The following PIGK variants were observed in gnomAD, a reference collection of about 807,000 sequenced individuals.
The protein encoded by PIGK is phosphatidylinositol glycan anchor biosynthesis class K, also known as GPI-anchor transamidase.
PIGK carries 42 observed loss-of-function variants against 50.6 expected under a neutral mutation model. That is an observed-to-expected ratio of 0.83 (90% confidence interval 0.65 to 1.07). The LOEUF (loss-of-function observed/expected upper bound fraction) is 1.07. Ranked by LOEUF, PIGK falls within the 50% of genes least tolerant of loss-of-function variation. PIGK has a pLI of 0.00. For synonymous variants in PIGK, 151 were observed against 156.0 expected, an observed-to-expected ratio of 0.97 and a Z score of 0.24; for missense variants, 448 against 488.7, an observed-to-expected ratio of 0.92 and a Z score of 0.78.
chr1:77,135,580 A>G (rs572098697), intron 9 of PIGK, among the ~76,000 whole-genome samples: 137 of 151,828 alleles, frequency 9.0e-4, no homozygotes, highest in African/African-American at 3.2e-3. Flanking sequence ...ATTATTATTC[A>G]CTTATTTAAA....
intron 4 of PIGK, among the ~76,000 whole-genome samples, chr1:77,167,571 C>T (rs78136212): frequency 0.013 from 1,905 of 151,360 alleles, 38 homozygotes; most frequent in African/African-American, 0.044. Context: ...TAGTAAGACC[C>T]CCATCTCTGG....
At chr1:77,111,536 T>A (rs749783091) in intron 10 of PIGK, among the ~76,000 whole-genome samples, 1 of 146,818 alleles carries the variant, frequency 6.8e-6, no homozygotes, top group African/African-American at 2.5e-5. Flanking sequence ...ATGTTCTCAC[T>A]CATAGGTGGG....
At chr1:77,181,392 C>T (rs897928918) in intron 3 of PIGK, among the ~76,000 whole-genome samples, 14 of 152,018 alleles carry the variant, frequency 9.2e-5, no homozygotes, top group African/African-American at 2.7e-4. Context: ...CACAACTTTT[C>T]GTTTGTAATA....
chr1:77,189,528 C>T (rs541584329), intron 3 of PIGK, among the ~76,000 whole-genome samples: 3 of 151,872 alleles, frequency 2.0e-5, no homozygotes, highest in Non-Finnish European at 4.4e-5. Context: ...AAAGACTAGA[C>T]TGGCCTAGGC....
At chr1:77,185,654 G>C (rs995644345) in intron 3 of PIGK, among the ~76,000 whole-genome samples, 1 of 152,124 alleles carries the variant, frequency 6.6e-6, no homozygotes, top group Non-Finnish European at 1.5e-5. Flanking sequence ...AAGGCTGCCA[G>C]TTTTGAGTGG....
At chr1:77,123,485 T>C (rs1045213458) in intron 9 of PIGK, among the ~76,000 whole-genome samples, 6 of 152,154 alleles carry the variant, frequency 3.9e-5, no homozygotes, top group East Asian at 1.9e-4. Context: ...AGGTAAAAGT[T>C]TGTGGATATC....
chr1:77,195,692 T>C (rs1188073721), intron 3 of PIGK, among the ~76,000 whole-genome samples: 2 of 152,174 alleles, frequency 1.3e-5, no homozygotes, highest in Non-Finnish European at 2.9e-5. Context: ...TTATTATTCC[T>C]GTGACGTCTG....
chr1:77,198,083 G>T (rs1656076692), intron 3 of PIGK, among the ~76,000 whole-genome samples: 1 of 151,890 alleles, frequency 6.6e-6, no homozygotes, highest in Admixed American at 6.6e-5. Context: ...CTGTAATTTT[G>T]GTAAAGTTAT....
intron 3 of PIGK, among the ~76,000 whole-genome samples, chr1:77,187,470 T>C (rs1557818239): frequency 6.6e-6 from 1 of 152,230 alleles, no homozygotes; most frequent in South Asian, 2.1e-4. Flanking sequence ...GACACAACAA[T>C]GATTCCATTA....
chr1:77,147,317 A>C (rs372703320), intron 9 of PIGK, among the ~76,000 whole-genome samples: 10 of 152,074 alleles, frequency 6.6e-5, no homozygotes, highest in East Asian at 5.8e-4. Context: ...AAAATTCAAG[A>C]TGAGATTTGG....
At chr1:77,183,709 C>T (rs543833863) in intron 3 of PIGK, among the ~76,000 whole-genome samples, 52 of 152,258 alleles carry the variant, frequency 3.4e-4, no homozygotes, top group Non-Finnish European at 7.2e-4. Context: ...TTTAATGTTG[C>T]ACCTCGAGGA....
chr1:77,126,288 T>C (rs1368487811), intron 9 of PIGK, among the ~76,000 whole-genome samples: 1 of 152,206 alleles, frequency 6.6e-6, no homozygotes, highest in Non-Finnish European at 1.5e-5. Context: ...TACTGTGACT[T>C]TGTAAAGGTG....
chr1:77,186,944 T>C (rs1655762476), intron 3 of PIGK, among the ~76,000 whole-genome samples: 1 of 152,216 alleles, frequency 6.6e-6, no homozygotes, highest in Admixed American at 6.5e-5. Flanking sequence ...TTGTCCCCAC[T>C]GGAATAAACA....
intron 9 of PIGK, among the ~76,000 whole-genome samples, chr1:77,148,218 T>G (rs1346801334): frequency 6.6e-6 from 1 of 152,184 alleles, no homozygotes; most frequent in Non-Finnish European, 1.5e-5. Flanking sequence ...CCATTCATAT[T>G]TGCATGCAAA....
At chr1:77,135,434 A>C (rs527760707) in intron 9 of PIGK, among the ~76,000 whole-genome samples, 2 of 152,108 alleles carry the variant, frequency 1.3e-5, no homozygotes, top group African/African-American at 4.8e-5. Flanking sequence ...TATATATTTT[A>C]CACTATAAGT....
At chr1:77,195,384 G>T in intron 3 of PIGK, 5 of 1,192,948 alleles carry the variant, frequency 4.2e-6, no homozygotes, top group African/African-American at 1.5e-5. Flanking sequence ...ACATCAGCAC[G>T]CAGAGTGCTA....
intron 3 of PIGK, among the ~76,000 whole-genome samples, chr1:77,191,871 C>G (rs576145002): frequency 6.6e-6 from 1 of 152,294 alleles, no homozygotes; most frequent in East Asian, 1.9e-4. Flanking sequence ...ACAAAAAATA[C>G]AAAAATTAGC....
At chr1:77,217,441 T>C (rs1421982122) in intron 1 of PIGK, among the ~76,000 whole-genome samples, 1 of 152,010 alleles carries the variant, frequency 6.6e-6, no homozygotes, top group Non-Finnish European at 1.5e-5. Flanking sequence ...AACTAGAAGT[T>C]TGAAAGAGAA....
intron 3 of PIGK, among the ~76,000 whole-genome samples, chr1:77,196,391 A>T (rs1359953107): frequency 2.0e-5 from 3 of 152,152 alleles, no homozygotes. Flanking sequence ...TCTTTGACAA[A>T]TCTCCAAACT....
Sources: gnomAD v4.1 joint callset for allele counts (sites outside exome capture counted in the v4.1 genomes callset) on GRCh38, gnomAD v4.1.1 for gene constraint, MANE v1.5 for transcripts, NCBI Gene and HGNC (gene_info 2026-07-23, HGNC 2026-07-21) for gene names.